Variants in SLC8A1 observed in about 807,000 individuals in gnomAD.
SLC8A1 encodes sodium/calcium exchanger 1.
A neutral mutation model predicts 68.3 loss-of-function variants in SLC8A1; 18 were observed. The ratio of observed to expected loss-of-function variants is 0.26; its 90% CI spans 0.18 to 0.39. The LOEUF (loss-of-function observed/expected upper bound fraction) is 0.39. SLC8A1 is among the 10% of genes least tolerant of loss of function. SLC8A1 has a pLI of 1.00. For missense variants in SLC8A1, 985 were observed against 1,156.7 expected, an observed-to-expected ratio of 0.85 and a Z score of 2.15; for synonymous variants, 475 against 415.5, an observed-to-expected ratio of 1.14 and a Z score of -1.74.
chr2:40,492,135 C>A (rs1251248787), intron 1 of SLC8A1, among the ~76,000 whole-genome samples: 2 of 151,928 alleles, frequency 1.3e-5, no homozygotes, highest in African/African-American at 4.8e-5. Flanking sequence ...GGTACTGGTA[C>A]CAAAACAGAG....
At chr2:40,185,740 A>T (rs556231758) in intron 2 of SLC8A1, among the ~76,000 whole-genome samples, 2 of 152,212 alleles carry the variant, frequency 1.3e-5, no homozygotes, top group African/African-American at 2.4e-5. Context: ...TAAATGGTTG[A>T]ATCCTATGTT....
intron 1 of SLC8A1, among the ~76,000 whole-genome samples, chr2:40,459,842 C>T (rs990900578): frequency 6.6e-6 from 1 of 152,056 alleles, no homozygotes; most frequent in Non-Finnish European, 1.5e-5. Context: ...TGAATTGTTA[C>T]CTGAAATTAT....
chr2:40,454,596 A>T (rs1048294308), upstream of SLC8A1, among the ~76,000 whole-genome samples: 3 of 151,962 alleles, frequency 2.0e-5, no homozygotes, highest in Non-Finnish European at 4.4e-5. Context: ...ATTCTTGGGA[A>T]AAAAACAATA....
chr2:40,338,138 T>A (rs1347389285), intron 2 of SLC8A1, among the ~76,000 whole-genome samples: 1 of 152,058 alleles, frequency 6.6e-6, no homozygotes, highest in African/African-American at 2.4e-5. Flanking sequence ...TCTCCCTTTA[T>A]CCAATAAGGC....
chr2:40,225,946 C>T (rs1457024734), intron 2 of SLC8A1, among the ~76,000 whole-genome samples: 1 of 152,166 alleles, frequency 6.6e-6, no homozygotes, highest in South Asian at 2.1e-4. Flanking sequence ...AATCCTGATG[C>T]TTTTACATAA....
intron 1 of SLC8A1, among the ~76,000 whole-genome samples, chr2:40,458,662 G>A (rs1009522850): frequency 7.9e-5 from 12 of 152,202 alleles, no homozygotes; most frequent in African/African-American, 2.6e-4. Flanking sequence ...ACTGCAGGAC[G>A]AGGAACCACA....
intron 2 of SLC8A1, among the ~76,000 whole-genome samples, chr2:40,392,996 A>C (rs910768790): frequency 1.3e-5 from 2 of 152,116 alleles, no homozygotes; most frequent in African/African-American, 4.8e-5. Context: ...CAGACAAAAG[A>C]GGAGCAGGAG....
chr2:40,458,048 TTTTCAAG>T (rs1703127263), intron 1 of SLC8A1, among the ~76,000 whole-genome samples: 1 of 152,200 alleles, frequency 6.6e-6, no homozygotes, highest in South Asian at 2.1e-4. Flanking sequence ...TTTTGTTTTG[TTTTCAAG>T]TTTTTTGGGA....
intron 2 of SLC8A1, among the ~76,000 whole-genome samples, chr2:40,275,539 G>A (rs151040231): frequency 2.0e-5 from 3 of 152,294 alleles, no homozygotes; most frequent in Non-Finnish European, 2.9e-5. Flanking sequence ...CAGGTTGTCC[G>A]GGAGGAACGC....
chr2:40,418,806 G>A (rs1372221276), intron 2 of SLC8A1, among the ~76,000 whole-genome samples: 1 of 152,194 alleles, frequency 6.6e-6, no homozygotes, highest in East Asian at 1.9e-4. Context: ...CAGCCAAACT[G>A]TGACAGGAGC....
exon 2 of SLC8A1, chr2:40,428,725 G>T (rs147259497): frequency 3.1e-6 from 5 of 1,613,712 alleles, no homozygotes; most frequent in Non-Finnish European, 4.2e-6. Context: ...TCCGAGGCAA[G>T]CAAGTGTAGA....
chr2:40,425,600 C>T (rs764473448), intron 2 of SLC8A1, among the ~76,000 whole-genome samples: 7 of 151,582 alleles, frequency 4.6e-5, no homozygotes, highest in African/African-American at 9.7e-5. Context: ...AGCTTGGTGG[C>T]GCCATCAGCC....
In SLC8A1 at chr2:40,310,309, T is replaced by G. The variant is rs571127752; in HGVS notation, c.1808+118164A>C. Among the ~76,000 whole-genome samples the G allele has an allele frequency of 1.2e-4, 19 of 152,238 alleles. 1 individual carries two copies. The South Asian group carries it at 3.7e-3, about 30-fold the overall frequency. ...CCCTAAGGGTTATGGGAAACCCAAGTAGTTGGGTTAACCCAGTGAGACATG... is the reference window on the plus strand; with the variant it reads ...CCCTAAGGGTTATGGGAAACCCAAGGAGTTGGGTTAACCCAGTGAGACATG... On this transcript the variant is annotated intron_variant, in intron 2 of 7. Transcript: ENST00000406785.
At chr2:40,258,666 C>A (rs989818131) in intron 2 of SLC8A1, among the ~76,000 whole-genome samples, 1 of 151,878 alleles carries the variant, frequency 6.6e-6, no homozygotes, top group Admixed American at 6.6e-5. Context: ...CATGGTGAAA[C>A]CCCCGTCTCT....
At chr2:40,234,030 C>T (rs376671211) in intron 2 of SLC8A1, among the ~76,000 whole-genome samples, 55 of 152,216 alleles carry the variant, frequency 3.6e-4, no homozygotes, top group Admixed American at 9.2e-4. Flanking sequence ...AGTCAGGTAG[C>T]GTGATGCCTC....
At chr2:40,297,094 G>A (rs1159221732) in intron 2 of SLC8A1, among the ~76,000 whole-genome samples, 1 of 151,860 alleles carries the variant, frequency 6.6e-6, no homozygotes, top group Non-Finnish European at 1.5e-5. Context: ...GTATTCTCCT[G>A]ATCTTACCAC....
chr2:40,168,265 T>C (rs1192572168), intron 4 of SLC8A1, among the ~76,000 whole-genome samples: 1 of 152,058 alleles, frequency 6.6e-6, no homozygotes, highest in South Asian at 2.1e-4. Flanking sequence ...TGAAGGAAGC[T>C]TCAGGAAAGA....
At chr2:40,239,673 C>G (rs1042282196) in intron 2 of SLC8A1, among the ~76,000 whole-genome samples, 8 of 152,122 alleles carry the variant, frequency 5.3e-5, no homozygotes, top group Non-Finnish European at 1.2e-4. Flanking sequence ...GAGCAAGACT[C>G]TGTCTCAAAA....
At chr2:40,459,332 A>G (rs948078422) in intron 1 of SLC8A1, among the ~76,000 whole-genome samples, 1 of 152,094 alleles carries the variant, frequency 6.6e-6, no homozygotes, top group Admixed American at 6.5e-5. Flanking sequence ...ACCTTTTTTG[A>G]GAGTCCCAAA....
Sources: gnomAD v4.1 joint callset for allele counts (sites outside exome capture counted in the v4.1 genomes callset) on GRCh38, gnomAD v4.1.1 for gene constraint, MANE v1.5 for transcripts, NCBI Gene and HGNC (gene_info 2026-07-23, HGNC 2026-07-21) for gene names.